Variants in SWT1 observed in about 807,000 individuals in gnomAD.
SWT1 encodes SWT1 RNA endoribonuclease homolog, also known as transcriptional protein SWT1.
Under a neutral mutation model 107.3 loss-of-function variants are expected in SWT1, and 33 were observed. The ratio of observed to expected loss-of-function variants is 0.31; its 90% confidence interval spans 0.23 to 0.41. The LOEUF is 0.41. Ranked by LOEUF, SWT1 falls within the 10% of genes least tolerant of loss-of-function variation. The pLI, the probability that SWT1 is intolerant of heterozygous loss-of-function variation, is 1.00. For synonymous variants in SWT1, 345 were observed against 348.3 expected, an observed-to-expected ratio of 0.99 and a Z score of 0.11; for missense variants, 898 against 1,028.9, an observed-to-expected ratio of 0.87 and a Z score of 1.74.
At chr1:185,247,320 A>G (rs1324295004) in intron 16 of SWT1, among the ~76,000 whole-genome samples, 1 of 152,170 alleles carries the variant, frequency 6.6e-6, no homozygotes, top group African/African-American at 2.4e-5. Context: ...TAAAGGCACA[A>G]TTTCAGAAGG....
chr1:185,224,272 C>T (rs541353590), intron 15 of SWT1, among the ~76,000 whole-genome samples: 423 of 152,216 alleles, frequency 2.8e-3, no homozygotes, highest in Non-Finnish European at 5.0e-3. Context: ...TCTGGGCTCT[C>T]TATTCTGTTC....
At chr1:185,173,087 T>C (rs1655226136) in intron 4 of SWT1, among the ~76,000 whole-genome samples, 1 of 151,822 alleles carries the variant, frequency 6.6e-6, no homozygotes, top group Non-Finnish European at 1.5e-5. Flanking sequence ...TTATTGTTAT[T>C]ATTAGCATGT....
At chr1:185,215,752 G>T (rs758935811) in intron 14 of SWT1, among the ~76,000 whole-genome samples, 1 of 151,944 alleles carries the variant, frequency 6.6e-6, no homozygotes, top group Non-Finnish European at 1.5e-5. Flanking sequence ...TAATACCTAG[G>T]CTAGTCTTGA....
intron 5 of SWT1, chr1:185,176,409 A>G: frequency 4.9e-6 from 1 of 205,328 alleles, no homozygotes; most frequent in Non-Finnish European, 8.6e-6. Flanking sequence ...GAATGGGAGA[A>G]GCCGGGATAT....
intron 15 of SWT1, among the ~76,000 whole-genome samples, chr1:185,226,275 G>T (rs957743316): frequency 2.0e-4 from 30 of 152,076 alleles, no homozygotes; most frequent in African/African-American, 7.0e-4. Context: ...TGCTTATATT[G>T]CCTTATTAAT....
chr1:185,236,209 T>C (rs1318666833), intron 16 of SWT1, among the ~76,000 whole-genome samples: 2 of 152,122 alleles, frequency 1.3e-5, no homozygotes, highest in African/African-American at 4.8e-5. Flanking sequence ...TTAAATTTCA[T>C]ATGGAACCAA....
At chr1:185,236,249 A>AAGG in intron 16 of SWT1, among the ~76,000 whole-genome samples, 1 of 152,106 alleles carries the variant, frequency 6.6e-6, no homozygotes, top group East Asian at 1.9e-4. Context: ...AGACAATCCT[A>AAGG]AGCAAAAAAT....
intron 13 of SWT1, among the ~76,000 whole-genome samples, chr1:185,209,653 T>C (rs921696231): frequency 6.6e-6 from 1 of 152,230 alleles, no homozygotes; most frequent in Non-Finnish European, 1.5e-5. Flanking sequence ...GTTCCAAGTC[T>C]TTGCTATTGT....
At chr1:185,175,173 G>T in intron 5 of SWT1, 60 bp downstream of exon 5, 107 of 1,076,114 alleles carry the variant, frequency 9.9e-5, no homozygotes, top group South Asian at 3.5e-4. Context: ...ATATAGTTAA[G>T]TTTTTTCTGT....
intron 17 of SWT1, among the ~76,000 whole-genome samples, chr1:185,272,883 C>T (rs1183480369): frequency 6.6e-6 from 1 of 151,684 alleles, no homozygotes; most frequent in African/African-American, 2.4e-5. Flanking sequence ...AAAAAACAAA[C>T]AAAATTAGCC....
At chr1:185,255,972 C>T (rs1352663998) in intron 16 of SWT1, among the ~76,000 whole-genome samples, 1 of 151,744 alleles carries the variant, frequency 6.6e-6, no homozygotes, top group Non-Finnish European at 1.5e-5. Context: ...TTAGGGCAGG[C>T]CTGGTGATGA....
intron 15 of SWT1, among the ~76,000 whole-genome samples, chr1:185,222,507 A>G (rs1659733598): frequency 6.6e-6 from 1 of 152,126 alleles, no homozygotes; most frequent in Non-Finnish European, 1.5e-5. Context: ...CCATAGTCCC[A>G]GCACTTCGGG....
chr1:185,185,924 A>G (rs1017489338), intron 9 of SWT1, among the ~76,000 whole-genome samples: 1 of 152,194 alleles, frequency 6.6e-6, no homozygotes, highest in Non-Finnish European at 1.5e-5. Context: ...TTAGTTGACT[A>G]TAATTTTAGC....
In SWT1 at chr1:185,269,062, C is replaced by T. The variant is rs1445436455; in HGVS notation, c.2442-2261C>T. ...AGAGACGGGGTTTCACCGTGTTAGC[C>T]AGGATGGTCTCGATCTCCTGACCTC... On this transcript the variant is annotated intron_variant, in intron 16 of 18. Transcript: ENST00000367500. Among the ~76,000 whole-genome samples, 3 of 152,072 alleles carry T rather than the reference C, an allele frequency of 2.0e-5. No homozygotes were observed. In the East Asian group the frequency reaches 5.8e-4, roughly 29 times the overall value.
intron 18 of SWT1, among the ~76,000 whole-genome samples, chr1:185,282,276 A>C (rs1308369465): frequency 6.6e-6 from 1 of 152,110 alleles, no homozygotes; most frequent in African/African-American, 2.4e-5. Context: ...GAGAAAAACC[A>C]CACCACATTT....
chr1:185,283,678 A>G (rs1367227496), intron 18 of SWT1, among the ~76,000 whole-genome samples: 1 of 152,154 alleles, frequency 6.6e-6, no homozygotes, highest in African/African-American at 2.4e-5. Context: ...ACTCATCACA[A>G]CACACTTCTG....
chr1:185,278,517 A>G (rs935828032), intron 18 of SWT1, among the ~76,000 whole-genome samples: 1 of 152,230 alleles, frequency 6.6e-6, no homozygotes, highest in Non-Finnish European at 1.5e-5. Flanking sequence ...TTCTAGGCCC[A>G]GGCAAATTCA....
At chr1:185,216,842 C>T (rs1464158812) in intron 14 of SWT1, among the ~76,000 whole-genome samples, 1 of 151,726 alleles carries the variant, frequency 6.6e-6, no homozygotes, top group African/African-American at 2.4e-5. Context: ...GTCCCAGCTA[C>T]TTGGGAGGAT....
chr1:185,259,944 T>C (rs1171966336), intron 16 of SWT1, among the ~76,000 whole-genome samples: 2 of 152,208 alleles, frequency 1.3e-5, no homozygotes, highest in Non-Finnish European at 2.9e-5. Flanking sequence ...ACTAAGGTTC[T>C]ATCAGCAGTA....
Sources: gnomAD v4.1 joint callset for allele counts (sites outside exome capture counted in the v4.1 genomes callset) on GRCh38, gnomAD v4.1.1 for gene constraint, MANE v1.5 for transcripts, NCBI Gene and HGNC (gene_info 2026-07-23, HGNC 2026-07-21) for gene names.